The following MAG variants were observed in gnomAD, a reference collection of about 807,000 sequenced individuals.
MAG encodes the protein myelin associated glycoprotein, also known as myelin-associated glycoprotein.
MAG carries 30 observed loss-of-function variants against 60.7 expected under a neutral mutation model. The ratio of observed to expected loss-of-function variants is 0.49; its 90% CI spans 0.37 to 0.67. The LOEUF is 0.67. Among genes scored for constraint, MAG ranks in the 30% least tolerant of loss-of-function variants. The pLI is 0.00. For synonymous variants in MAG, 384 were observed against 376.8 expected, an observed-to-expected ratio of 1.02 and a Z score of -0.22; for missense variants, 795 against 851.7, an observed-to-expected ratio of 0.93 and a Z score of 0.83.
chr19:35,307,810 G>T (rs1476028459), intron 7 of MAG, among the ~76,000 whole-genome samples: 7 of 152,228 alleles, frequency 4.6e-5, no homozygotes, highest in Non-Finnish European at 1.0e-4. Flanking sequence ...AGTGACTTTG[G>T]GTGGAGGGTG....
intron 1 of MAG, among the ~76,000 whole-genome samples, chr19:35,292,446 C>T (rs1402148736): frequency 6.6e-6 from 1 of 151,970 alleles, no homozygotes; most frequent in Non-Finnish European, 1.5e-5. Context: ...CCCCTCAGCA[C>T]CCCTTGTGGG....
chr19:35,312,567 A>T (rs1484301613), intron 10 of MAG: 5 of 584,992 alleles, frequency 8.5e-6, no homozygotes, highest in Admixed American at 3.0e-5. Flanking sequence ...GCGTGGGGGG[A>T]ACCCACATGT....
intron 4 of MAG, 36 bp downstream of exon 4, chr19:35,296,017 G>A (rs1331660789): frequency 6.5e-7 from 1 of 1,527,004 alleles, no homozygotes; most frequent in East Asian, 2.3e-5. Context: ...ACCGGGAGCT[G>A]GGGCAGCGGG....
chr19:35,301,290 G>A (rs2066446470), intron 6 of MAG, among the ~76,000 whole-genome samples: 1 of 152,176 alleles, frequency 6.6e-6, no homozygotes, highest in African/African-American at 2.4e-5. Flanking sequence ...GAAGGGAGCT[G>A]GTCAGAAGAG....
At chr19:35,292,475 G>A (rs971166648) in intron 1 of MAG, among the ~76,000 whole-genome samples, 4 of 152,090 alleles carry the variant, frequency 2.6e-5, no homozygotes, top group Non-Finnish European at 4.4e-5. Context: ...TTGCAGGAGA[G>A]GTTTCCTTGG....
chr19:35,298,752 C>T (rs1022677654), intron 4 of MAG, among the ~76,000 whole-genome samples: 5 of 146,734 alleles, frequency 3.4e-5, no homozygotes, highest in African/African-American at 7.6e-5. Context: ...ACACACACCA[C>T]GTACTACGCA....
At chr19:35,309,788 C>T in intron 7 of MAG, 86 bp from the exon 8 acceptor site, 1 of 1,464,832 alleles carries the variant, frequency 6.8e-7, no homozygotes, top group Middle Eastern at 2.5e-4. Context: ...CTTGGCCACA[C>T]TGGCCTTGCC....
chr19:35,310,458 G>T, intron 8 of MAG, 89 bp from the exon 9 acceptor site: 1 of 1,155,684 alleles, frequency 8.7e-7, no homozygotes, highest in Non-Finnish European at 1.3e-6. Flanking sequence ...TGACTACATT[G>T]ACTGTCATCC....
chr19:35,305,746 G>T (rs570138274), intron 7 of MAG, among the ~76,000 whole-genome samples: 1 of 152,332 alleles, frequency 6.6e-6, no homozygotes, highest in South Asian at 2.1e-4. Flanking sequence ...CTTGAGGCCA[G>T]GAGTTCGAGA....
intron 9 of MAG, among the ~76,000 whole-genome samples, 194 bp from the exon 10 acceptor site, chr19:35,311,724 C>T (rs1446757463): frequency 6.6e-6 from 1 of 152,174 alleles, no homozygotes; most frequent in Non-Finnish European, 1.5e-5. Flanking sequence ...TGGCTCGTCC[C>T]CAGCCGGGCA....
At chr19:35,309,758 A>C in intron 7 of MAG, 116 bp from the exon 8 acceptor site, 1 of 1,104,880 alleles carries the variant, frequency 9.1e-7, no homozygotes, top group Non-Finnish European at 1.3e-6. Context: ...AGGGCCCTAC[A>C]GGAAGCTACC....
chr19:35,293,069 G>A lies in MAG; in HGVS notation c.-80+865G>A, dbSNP rs534972490. Among the ~76,000 whole-genome samples the A allele has an allele frequency of 5.2e-4, 79 of 152,214 alleles. No homozygotes were observed. Among genetic ancestry groups the A allele is most frequent in the African/African-American group, 1.9e-3 (79 of 41,536 alleles). ...GAACTTGTTTTCCCCGCTGTTAAGA[G>A]TGCATGGTCTACCTGCTTGTTTCAT... On this transcript the variant is annotated intron_variant, in intron 1 of 10. Coordinates refer to ENST00000392213, the MANE Select transcript of MAG (RefSeq NM_002361.4). The surrounding 1 kb of genome is among the most constrained non-coding windows in gnomAD (Gnocchi z 4.0).
rs1257932991 is a variant in MAG at position 35,310,004 on chromosome 19, C to T, written c.1362C>T (p.Asn454=). Residue 454 remains asparagine, a synonymous_variant, in exon 8 of 11, where the codon AAC becomes AAT. Transcript: ENST00000392213. ...FELPSRNVTV[N]ESEREFVYSE... is the part of the protein sequence containing the mutation. Reference sequence around the variant, plus strand: ...TGCCATCGCGCAATGTGACCGTGAACGAGAGCGAGCGGGAGTTCGTGTACT... The same window carrying T: ...TGCCATCGCGCAATGTGACCGTGAATGAGAGCGAGCGGGAGTTCGTGTACT... 1.9e-6 allele frequency: 3 copies of T among 1,614,010 alleles called. No individual in the cohort carries two copies. The highest frequency in any genetic ancestry group is 2.2e-5 in the East Asian group (1 of 44,876).
rs777042124 is a variant in MAG at position 35,299,545 on chromosome 19, C to T, written c.416-9C>T. The stretch of plus-strand genomic sequence containing the variant: ...CTTTCTCAGCCCTCCCTTTCCCCGC[C>T]TCGTATAGACACCCCCAACATCGTG... On this transcript the variant is annotated splice_polypyrimidine_tract_variant and intron_variant, in intron 4 of 10. Coordinates refer to ENST00000392213, the MANE Select transcript of MAG (RefSeq NM_002361.4). The T allele has an allele frequency of 1.3e-6, 2 of 1,569,698 alleles. No homozygotes were observed. Among genetic ancestry groups the T allele is most frequent in the East Asian group, 2.3e-5 (1 of 43,360 alleles).
At position 35,293,744 on chromosome 19, in the gene MAG, G is replaced by A. The variant is rs750455937; in HGVS notation, c.-79-491G>A. Among the ~76,000 whole-genome samples, 3 of 151,888 alleles carry A rather than the reference G, an allele frequency of 2.0e-5. No homozygotes were observed. The highest frequency in any genetic ancestry group is 1.9e-4 in the East Asian group (1 of 5,168). The stretch of plus-strand genomic sequence containing the variant: ...TCCCCACTTACCCTGAAAGCCCCCC[G>A]CAGGCTAAAACACCCTCTCCCCGAG... On this transcript the variant is annotated intron_variant, in intron 1 of 10. Transcript: ENST00000392213. This position sits in a 1 kb window ranked among gnomAD's most constrained non-coding sequence, Gnocchi z 4.0.
intron 4 of MAG, among the ~76,000 whole-genome samples, chr19:35,299,106 C>A (rs1215139735): frequency 1.3e-5 from 2 of 152,024 alleles, no homozygotes; most frequent in Non-Finnish European, 2.9e-5. Context: ...GGAGGGTAAA[C>A]CAAGCAGGCA....
chr19:35,308,052 G>C (rs897082277), intron 7 of MAG, among the ~76,000 whole-genome samples: 1 of 152,222 alleles, frequency 6.6e-6, no homozygotes, highest in African/African-American at 2.4e-5. Context: ...GGGGCCCAGA[G>C]TGGAGAAGGA....
At position 35,295,346 on chromosome 19, in the gene MAG, C is replaced by A; in HGVS notation, c.-23-40C>A. On this transcript the variant is annotated intron_variant, in intron 2 of 10. Transcript: ENST00000392213. The surrounding 1 kb of genome is among the most constrained non-coding windows in gnomAD (Gnocchi z 5.8). ...GAAGCCCAGATGGAACACCCCCTTT[C>A]ACTTCCCCCAGCCTTTAACCCTCTC... The A allele has an allele frequency of 6.3e-7, 1 of 1,582,520 alleles. No homozygotes were observed. Among genetic ancestry groups the A allele is most frequent in the Non-Finnish European group, 8.7e-7 (1 of 1,155,906 alleles).
intron 9 of MAG, among the ~76,000 whole-genome samples, chr19:35,311,171 A>T (rs2066524180): frequency 6.6e-6 from 1 of 152,204 alleles, no homozygotes; most frequent in Non-Finnish European, 1.5e-5. Context: ...ATCTCTAAAA[A>T]AAATTTTTTT....
Sources: allele counts gnomAD v4.1 joint callset (sites outside exome capture counted in the v4.1 genomes callset), GRCh38; gene constraint gnomAD v4.1.1; non-coding constraint Gnocchi (gnomAD v3.1); transcripts MANE v1.5; gene names NCBI Gene and HGNC (gene_info 2026-07-23, HGNC 2026-07-21).